PRKCE: variants seen among roughly 807,000 people sequenced by gnomAD.
The protein encoded by PRKCE is protein kinase C epsilon.
PRKCE carries 16 observed loss-of-function variants against 85.4 expected under a neutral mutation model. The observed-to-expected ratio is 0.19, with a 90% confidence interval of 0.13 to 0.28. PRKCE has a LOEUF of 0.28. Among genes scored for constraint, PRKCE ranks in the 10% least tolerant of loss-of-function variants. The pLI is 1.00. For missense variants in PRKCE, 573 were observed against 975.2 expected, an observed-to-expected ratio of 0.59 and a Z score of 5.49; for synonymous variants, 388 against 371.5, an observed-to-expected ratio of 1.04 and a Z score of -0.51.
Position 45,859,839 on chromosome 2 carries a change from T to C in PRKCE, c.412+16776T>C, listed in dbSNP as rs148612549. Reference sequence around the variant, plus strand: ...CTGCTTGGGCCAATGAGTATACTGATGCATTCTCACCCTGCTAACTCAATA... The same window carrying C: ...CTGCTTGGGCCAATGAGTATACTGACGCATTCTCACCCTGCTAACTCAATA... On this transcript the variant is annotated intron_variant, in intron 2 of 14. Coordinates refer to ENST00000306156, the MANE Select transcript of PRKCE (RefSeq NM_005400.3). Among the ~76,000 whole-genome samples, 36 of 152,296 alleles carry C rather than the reference T, an allele frequency of 2.4e-4. No individual in the cohort carries two copies. The East Asian group carries it at 7.0e-3, about 29-fold the overall frequency.
At chr2:45,877,782 G>A (rs1161894399) in intron 2 of PRKCE, among the ~76,000 whole-genome samples, 1 of 152,156 alleles carries the variant, frequency 6.6e-6, no homozygotes, top group Non-Finnish European at 1.5e-5. Context: ...TAGCCCCACA[G>A]ACTGTTCTTT....
At chr2:45,913,892 C>T (rs1697560604) in intron 2 of PRKCE, among the ~76,000 whole-genome samples, 1 of 152,176 alleles carries the variant, frequency 6.6e-6, no homozygotes, top group African/African-American at 2.4e-5. Flanking sequence ...AGGAATCCTG[C>T]CCAAACTGGA....
chr2:45,962,518 T>A (rs573158466), intron 2 of PRKCE, among the ~76,000 whole-genome samples: 1 of 152,360 alleles, frequency 6.6e-6, no homozygotes, highest in Admixed American at 6.5e-5. Context: ...TTGGCAGTTT[T>A]CATTTTCTCC....
intron 11 of PRKCE, among the ~76,000 whole-genome samples, chr2:46,087,591 C>T (rs1124788): frequency 0.091 from 13,802 of 152,274 alleles, 1,041 homozygotes; most frequent in East Asian, 0.4. Flanking sequence ...GCCTGCCATT[C>T]ATGGCCCTCT....
At chr2:45,965,216 T>G (rs1055288595) in intron 2 of PRKCE, among the ~76,000 whole-genome samples, 1 of 152,262 alleles carries the variant, frequency 6.6e-6, no homozygotes, top group African/African-American at 2.4e-5. Context: ...TAATGCATTG[T>G]GTGAGTACAC....
intron 14 of PRKCE, among the ~76,000 whole-genome samples, chr2:46,161,683 T>G (rs989150995): frequency 6.6e-6 from 1 of 151,832 alleles, no homozygotes; most frequent in African/African-American, 2.4e-5. Flanking sequence ...GGGTTTTTAT[T>G]GAGAGGCCAC....
At chr2:46,066,147 G>A (rs1667607802) in intron 10 of PRKCE, among the ~76,000 whole-genome samples, 1 of 152,214 alleles carries the variant, frequency 6.6e-6, no homozygotes, top group African/African-American at 2.4e-5. Flanking sequence ...AAGTGGTGAG[G>A]GGTTGCAGGG....
At chr2:46,127,665 G>T (rs1432503049) in intron 11 of PRKCE, among the ~76,000 whole-genome samples, 6 of 152,244 alleles carry the variant, frequency 3.9e-5, no homozygotes, top group African/African-American at 1.4e-4. Context: ...TTGACAGTGA[G>T]TGGCTGTCAC....
At chr2:46,108,891 T>C (rs1250574303) in intron 11 of PRKCE, among the ~76,000 whole-genome samples, 2 of 152,182 alleles carry the variant, frequency 1.3e-5, no homozygotes, top group Non-Finnish European at 2.9e-5. Flanking sequence ...GTAAAGTCTA[T>C]GTCTAGGTTC....
At chr2:45,769,446 C>G (rs1016514948) in intron 1 of PRKCE, among the ~76,000 whole-genome samples, 2 of 152,048 alleles carry the variant, frequency 1.3e-5, no homozygotes, top group Admixed American at 6.5e-5. Flanking sequence ...TTTTTGCATG[C>G]GTATCTGATG....
intron 1 of PRKCE, among the ~76,000 whole-genome samples, chr2:45,698,225 A>T (rs1443677402): frequency 2.0e-5 from 3 of 152,244 alleles, no homozygotes; most frequent in African/African-American, 7.2e-5. Context: ...TCTACTTTAT[A>T]GATTTATATG....
At chr2:45,877,159 T>G (rs1437380878) in intron 2 of PRKCE, among the ~76,000 whole-genome samples, 2 of 152,188 alleles carry the variant, frequency 1.3e-5, no homozygotes, top group African/African-American at 4.8e-5. Flanking sequence ...ACCTTAAAGG[T>G]AACATTCCAC....
chr2:45,712,919 T>G (rs1190446493), intron 1 of PRKCE, among the ~76,000 whole-genome samples: 1 of 152,198 alleles, frequency 6.6e-6, no homozygotes, highest in African/African-American at 2.4e-5. Context: ...AGGCTGAAAG[T>G]ATACCTGGCA....
chr2:45,833,521 A>G (rs1052865631), intron 1 of PRKCE, among the ~76,000 whole-genome samples: 2 of 152,242 alleles, frequency 1.3e-5, no homozygotes, highest in Non-Finnish European at 2.9e-5. Flanking sequence ...GTGCTCCACC[A>G]TCTCCTCGAA....
chr2:46,069,444 C>T (rs1402875718), intron 10 of PRKCE, among the ~76,000 whole-genome samples: 1 of 152,102 alleles, frequency 6.6e-6, no homozygotes, highest in African/African-American at 2.4e-5. Flanking sequence ...CTCCAATCAA[C>T]AATAAGAACA....
intron 2 of PRKCE, among the ~76,000 whole-genome samples, chr2:45,957,609 A>G (rs1346334357): frequency 6.6e-6 from 1 of 152,196 alleles, no homozygotes; most frequent in Non-Finnish European, 1.5e-5. Context: ...TGAGGTCTAG[A>G]TAGTTCTTAA....
In PRKCE at chr2:45,796,864, C is replaced by T. The variant is rs537809470; in HGVS notation, c.349-46136C>T. ...AACTCCTGGCCTCAAGTGATCCTCG[C>T]GCCTCAGCGTCCCAGAGTGCTAAGA... On this transcript the variant is annotated intron_variant, in intron 1 of 14. Coordinates refer to ENST00000306156, the MANE Select transcript of PRKCE (RefSeq NM_005400.3). 3.2e-4 allele frequency among the ~76,000 whole-genome samples: 49 copies of T among 152,302 alleles called. 1 individual carries two copies. In the South Asian group the frequency reaches 5.4e-3, roughly 17 times the overall value.
In PRKCE at chr2:45,984,640, C is replaced by T. The variant is rs954534076; in HGVS notation, c.783C>T (p.Ser261=). 1 of 1,599,736 alleles carries T rather than the reference C, an allele frequency of 6.3e-7. No homozygotes were observed. The highest frequency in any genetic ancestry group is 1.7e-5 in the Admixed American group (1 of 60,018). ...CTACCTTCTGCGATCACTGTGGGTC[C>T]CTGCTCTGGGGACTCTTGCGGCAGG... ...KVPTFCDHCG[S]LLWGLLRQGL... Residue 261 remains serine, a synonymous_variant, in exon 6 of 15, where the codon TCC becomes TCT. Coordinates refer to ENST00000306156, the MANE Select transcript of PRKCE (RefSeq NM_005400.3).
intron 1 of PRKCE, among the ~76,000 whole-genome samples, chr2:45,746,433 T>C (rs1010974887): frequency 6.6e-6 from 1 of 152,166 alleles, no homozygotes; most frequent in Non-Finnish European, 1.5e-5. Context: ...CAAAATATAT[T>C]TACAGAATGA....
Sources: allele counts gnomAD v4.1 joint callset (sites outside exome capture counted in the v4.1 genomes callset), GRCh38; gene constraint gnomAD v4.1.1; transcripts MANE v1.5; gene names NCBI Gene and HGNC (gene_info 2026-07-23, HGNC 2026-07-21).